Variants in RBFOX1 observed in about 807,000 individuals in gnomAD.
The protein encoded by RBFOX1 is RNA binding protein fox-1 homolog 1.
Under a neutral mutation model 57.7 loss-of-function variants are expected in RBFOX1, and 8 were observed. The ratio of observed to expected loss-of-function variants is 0.14; its 90% confidence interval spans 0.08 to 0.25. The LOEUF (loss-of-function observed/expected upper bound fraction) is 0.25, where lower values mean the gene tolerates loss of function less well. Among genes scored for constraint, RBFOX1 ranks in the 10% least tolerant of loss-of-function variants. RBFOX1 has a pLI of 1.00. For missense variants in RBFOX1, 611 were observed against 548.5 expected (o/e 1.11, Z -1.14); for synonymous variants, 326 against 222.4 (o/e 1.47, Z -4.15).
chr16:5,933,587 G>A (rs2059111700), intron 4 of RBFOX1, among the ~76,000 whole-genome samples: 1 of 152,174 alleles, frequency 6.6e-6, no homozygotes. Flanking sequence ...CATTTAGGGA[G>A]GCCAAGCTAT....
chr16:7,471,292 C>T (rs1320139552), intron 4 of RBFOX1, among the ~76,000 whole-genome samples: 1 of 152,136 alleles, frequency 6.6e-6, no homozygotes, highest in Non-Finnish European at 1.5e-5. Context: ...AACAGAACTG[C>T]AATCTCTTTA....
chr16:7,548,696 C>A (rs7187572), intron 5 of RBFOX1, among the ~76,000 whole-genome samples: 1 of 152,152 alleles, frequency 6.6e-6, no homozygotes, highest in Non-Finnish European at 1.5e-5. Flanking sequence ...TGCTGTTCAC[C>A]CATATCTCCC....
intron 3 of RBFOX1, among the ~76,000 whole-genome samples, chr16:5,825,714 A>G (rs1199237906): frequency 1.3e-5 from 2 of 152,116 alleles, no homozygotes; most frequent in Non-Finnish European, 2.9e-5. Flanking sequence ...CTATTAAGCA[A>G]TCACTCCCTG....
intron 4 of RBFOX1, among the ~76,000 whole-genome samples, chr16:7,139,797 C>T (rs1029750546): frequency 6.6e-6 from 1 of 151,590 alleles, no homozygotes; most frequent in South Asian, 2.1e-4. Context: ...TTTCAGGGGG[C>T]AGTTTTAGTT....
intron 2 of RBFOX1, among the ~76,000 whole-genome samples, chr16:6,318,778 T>G (rs1352624916): frequency 6.6e-6 from 1 of 152,118 alleles, no homozygotes; most frequent in African/African-American, 2.4e-5. Flanking sequence ...AGTATTAATT[T>G]ACTGCTCTAA....
At chr16:7,552,744 G>A (rs1484245483) in intron 5 of RBFOX1, among the ~76,000 whole-genome samples, 7 of 152,042 alleles carry the variant, frequency 4.6e-5, no homozygotes, top group Admixed American at 3.3e-4. Flanking sequence ...GTGCAATGGC[G>A]TGATCTCAGC....
At chr16:6,233,678 A>T (rs905565643) in intron 1 of RBFOX1, among the ~76,000 whole-genome samples, 1 of 152,054 alleles carries the variant, frequency 6.6e-6, no homozygotes, top group African/African-American at 2.4e-5. Flanking sequence ...GAGCAATCAT[A>T]GCTCACTGCA....
Position 6,794,258 on chromosome 16 carries a change from G to A in RBFOX1, c.-16+139608G>A, listed in dbSNP as rs988700602. Among the ~76,000 whole-genome samples, 7 of 142,762 alleles carry A rather than the reference G, an allele frequency of 4.9e-5. No homozygotes were observed. The East Asian group carries it at 1.3e-3, about 26-fold the overall frequency. 93.7% of individuals were successfully genotyped at this position (142,762 alleles called of 152,430 possible). On this transcript the variant is annotated intron_variant, in intron 3 of 15. Transcript: ENST00000550418. ...AGAGCTCTTCACTTTGCTCCATGTT[G>A]TGTGTTGTTTTCTTGTTCGTGATTT...
chr16:7,030,291 C>A (rs1209862631), intron 3 of RBFOX1, among the ~76,000 whole-genome samples: 1 of 152,110 alleles, frequency 6.6e-6, no homozygotes, highest in Non-Finnish European at 1.5e-5. Flanking sequence ...CTTTCATACC[C>A]ATTTTACAGA....
intron 9 of RBFOX1, among the ~76,000 whole-genome samples, chr16:7,599,086 C>G (rs985328628): frequency 1.3e-5 from 2 of 152,184 alleles, no homozygotes; most frequent in Non-Finnish European, 2.9e-5. Context: ...CTTTGTCAAC[C>G]AAGACATGCC....
At chr16:5,746,173 C>A (rs905194838) in intron 3 of RBFOX1, among the ~76,000 whole-genome samples, 3 of 152,174 alleles carry the variant, frequency 2.0e-5, no homozygotes, top group Non-Finnish European at 2.9e-5. Context: ...CCAGTTTTCC[C>A]AGCACCATTT....
intron 5 of RBFOX1, among the ~76,000 whole-genome samples, chr16:7,555,619 G>A (rs933833828): frequency 2.1e-4 from 32 of 152,126 alleles, no homozygotes; most frequent in African/African-American, 6.3e-4. Context: ...GGTCTCTGAC[G>A]TCATCTCCTT....
intron 3 of RBFOX1, among the ~76,000 whole-genome samples, chr16:6,945,569 A>G (rs934214110): frequency 6.6e-6 from 1 of 151,928 alleles, no homozygotes; most frequent in East Asian, 1.9e-4. Flanking sequence ...ACCAGTTTGC[A>G]TCTTTGATGT....
intron 3 of RBFOX1, among the ~76,000 whole-genome samples, chr16:5,683,882 G>A (rs1386297816): frequency 6.6e-6 from 1 of 150,960 alleles, no homozygotes; most frequent in East Asian, 1.9e-4. Flanking sequence ...ATGTAAAATT[G>A]CCTAAGGTCT....
At position 5,914,323 on chromosome 16, in the gene RBFOX1, A is replaced by G. The variant is rs74006508; in HGVS notation, c.351+46988A>G. On this transcript the variant is annotated intron_variant, in intron 4 of 19. Transcript: ENST00000641259. The stretch of plus-strand genomic sequence containing the variant: ...CCCAATTTTTGTTGGGTCAGAAATT[A>G]GGAAGTAGCTTGGCTGGGTTCCCCT... Among the ~76,000 whole-genome samples the G allele has an allele frequency of 2.2e-3, 337 of 152,358 alleles. 4 individuals are homozygous for G. The highest frequency in any genetic ancestry group is 7.9e-3 in the African/African-American group (328 of 41,598).
chr16:7,433,146 C>G (rs1240102402), intron 4 of RBFOX1, among the ~76,000 whole-genome samples: 1 of 152,186 alleles, frequency 6.6e-6, no homozygotes, highest in Non-Finnish European at 1.5e-5. Flanking sequence ...CTCAAACTTG[C>G]TGATCCTCCC....
intron 4 of RBFOX1, among the ~76,000 whole-genome samples, chr16:5,986,297 C>G (rs931178620): frequency 7.2e-5 from 11 of 152,202 alleles, no homozygotes; most frequent in African/African-American, 2.4e-4. Context: ...CTCCTGACCT[C>G]AGGCCATCTA....
At chr16:5,295,976 C>T (rs989897290) in intron 1 of RBFOX1, among the ~76,000 whole-genome samples, 6 of 152,202 alleles carry the variant, frequency 3.9e-5, no homozygotes, top group Non-Finnish European at 5.9e-5. Context: ...TAAATATTAA[C>T]TTCACTGTTA....
intron 4 of RBFOX1, among the ~76,000 whole-genome samples, chr16:7,194,471 G>C (rs1602546183): frequency 6.6e-6 from 1 of 152,148 alleles, no homozygotes; most frequent in Admixed American, 6.5e-5. Context: ...GGAACGGCTA[G>C]AGTTTGGGAA....
Sources: allele counts gnomAD v4.1 joint callset (sites outside exome capture counted in the v4.1 genomes callset), GRCh38; gene constraint gnomAD v4.1.1; transcripts MANE v1.5; gene names NCBI Gene and HGNC (gene_info 2026-07-23, HGNC 2026-07-21).